Variants in WWOX observed in about 807,000 individuals in gnomAD.
WWOX encodes the protein WW domain containing oxidoreductase.
Under a neutral mutation model 46.2 loss-of-function variants are expected in WWOX, and 69 were observed. The ratio of observed to expected loss-of-function variants is 1.49; its 90% CI spans 1.23 to 1.82. The LOEUF (loss-of-function observed/expected upper bound fraction) is 1.82, where lower values mean the gene tolerates loss of function less well. Ranked by LOEUF, WWOX falls within the 40% of genes most tolerant of loss-of-function variation. The probability of loss-of-function intolerance (pLI) is 0.00; values close to 1 mark genes in which losing one functional copy is unlikely to be tolerated. For synonymous variants in WWOX, 359 were observed against 202.6 expected, an observed-to-expected ratio of 1.77 and a Z score of -6.56; for missense variants, 919 against 542.6, an observed-to-expected ratio of 1.69 and a Z score of -6.89.
intron 8 of WWOX, among the ~76,000 whole-genome samples, chr16:78,762,576 GAC>G (rs2049821258): frequency 6.6e-6 from 1 of 152,222 alleles, no homozygotes; most frequent in Non-Finnish European, 1.5e-5. Context: ...GAGTCGAGGT[GAC>G]ACAGTACTAA....
chr16:78,933,151 G>A (rs939738675), intron 8 of WWOX, among the ~76,000 whole-genome samples: 1 of 152,176 alleles, frequency 6.6e-6, no homozygotes, highest in Non-Finnish European at 1.5e-5. Flanking sequence ...TAAAAGGCAA[G>A]ATGTTGGCCT....
At position 79,065,578 on chromosome 16, in the gene WWOX, A is replaced by G. The variant is rs149057783; in HGVS notation, c.1057-146030A>G. ...AAAAAAACCAGTCTTAGGTTCTACA[A>G]TAGTGATGTTATCTACAGGAATAAT... On this transcript the variant is annotated intron_variant, in intron 8 of 8. Transcript: ENST00000566780. Among the ~76,000 whole-genome samples, 782 of 152,332 alleles carry G rather than the reference A, an allele frequency of 5.1e-3. 10 individuals are homozygous for G. Among genetic ancestry groups the G allele is most frequent in the African/African-American group, 0.018 (737 of 41,582 alleles).
intron 8 of WWOX, among the ~76,000 whole-genome samples, chr16:78,797,103 G>C (rs2050759074): frequency 6.6e-6 from 1 of 152,074 alleles, no homozygotes; most frequent in South Asian, 2.1e-4. Context: ...TGGGGTTGCA[G>C]GCGTGAGCCA....
At chr16:78,809,341 C>T (rs2051129514) in intron 8 of WWOX, among the ~76,000 whole-genome samples, 1 of 150,316 alleles carries the variant, frequency 6.7e-6, no homozygotes, top group Non-Finnish European at 1.5e-5. Flanking sequence ...AAAAAACCAC[C>T]GTGGTATTCT....
intron 5 of WWOX, among the ~76,000 whole-genome samples, chr16:78,323,903 G>A (rs1409852073): frequency 6.6e-6 from 1 of 152,146 alleles, no homozygotes; most frequent in African/African-American, 2.4e-5. Flanking sequence ...AGTGCAGTAT[G>A]GTCTGAATAA....
chr16:78,883,330 C>T (rs558492772), intron 8 of WWOX, among the ~76,000 whole-genome samples: 74 of 152,256 alleles, frequency 4.9e-4, no homozygotes, highest in African/African-American at 1.7e-3. Context: ...CCGGTGACAT[C>T]CTGGATTAGA....
chr16:78,448,179 T>C (rs956548188), intron 8 of WWOX, among the ~76,000 whole-genome samples: 5 of 152,150 alleles, frequency 3.3e-5, no homozygotes, highest in Non-Finnish European at 7.3e-5. Context: ...TGCAATGAAA[T>C]ACTGGCCTGT....
intron 5 of WWOX, among the ~76,000 whole-genome samples, chr16:78,327,847 G>C (rs1410775673): frequency 1.4e-5 from 2 of 147,384 alleles, no homozygotes; most frequent in Admixed American, 6.8e-5. Flanking sequence ...CATTAGGAAT[G>C]AGCTAGCCTG....
intron 8 of WWOX, among the ~76,000 whole-genome samples, chr16:78,595,399 CT>C (rs1872703468): frequency 2.0e-5 from 1 of 48,944 alleles, no homozygotes; most frequent in Non-Finnish European, 8.7e-5. Flanking sequence ...CACAAGACTC[CT>C]GCCTCCCTGC....
chr16:78,513,553 G>C (rs370319677), intron 8 of WWOX, among the ~76,000 whole-genome samples: 22 of 152,292 alleles, frequency 1.4e-4, no homozygotes, highest in African/African-American at 5.3e-4. Context: ...CAACATGAAA[G>C]TTAACCTTTT....
chr16:78,622,411 G>T (rs1309180403), intron 8 of WWOX, among the ~76,000 whole-genome samples: 2 of 152,040 alleles, frequency 1.3e-5, no homozygotes, highest in Non-Finnish European at 2.9e-5. Context: ...GCGTGGTAGT[G>T]TACACCCATA....
intron 8 of WWOX, among the ~76,000 whole-genome samples, chr16:78,866,646 T>C (rs899565297): frequency 1.3e-5 from 2 of 152,104 alleles, no homozygotes; most frequent in Admixed American, 6.6e-5. Flanking sequence ...CTCCTGGCGG[T>C]GTTTTTGTTG....
chr16:78,836,942 T>C (rs966716209), intron 8 of WWOX, among the ~76,000 whole-genome samples: 1 of 152,006 alleles, frequency 6.6e-6, no homozygotes, highest in Admixed American at 6.5e-5. Flanking sequence ...ATATGAGAGA[T>C]GGAAGGTCAA....
intron 5 of WWOX, chr16:78,167,334 C>T (rs985774990): frequency 1.3e-5 from 2 of 152,010 alleles, no homozygotes; most frequent in African/African-American, 4.8e-5. Flanking sequence ...GTCAAAGACC[C>T]ACTGTTCAGT....
At chr16:78,521,634 G>C (rs913013254) in intron 8 of WWOX, among the ~76,000 whole-genome samples, 9 of 152,164 alleles carry the variant, frequency 5.9e-5, no homozygotes, top group African/African-American at 1.9e-4. Flanking sequence ...ATTAACCAAA[G>C]AAATGGAACA....
chr16:78,671,146 G>C (rs780905905), intron 8 of WWOX, among the ~76,000 whole-genome samples: 74 of 152,302 alleles, frequency 4.9e-4, no homozygotes, highest in Non-Finnish European at 9.4e-4. Flanking sequence ...TGTTGGGCCA[G>C]GTACAGTGGC....
At chr16:78,295,615 A>G (rs1485769121) in intron 5 of WWOX, among the ~76,000 whole-genome samples, 2 of 152,120 alleles carry the variant, frequency 1.3e-5, no homozygotes, top group African/African-American at 2.4e-5. Flanking sequence ...GGAGGCTGAG[A>G]TGGGAGAATC....
At chr16:78,582,049 G>C (rs2045069483) in intron 8 of WWOX, among the ~76,000 whole-genome samples, 1 of 152,148 alleles carries the variant, frequency 6.6e-6, no homozygotes, top group Non-Finnish European at 1.5e-5. Context: ...TTTCAGGTTA[G>C]TCCTCTGAGA....
chr16:78,769,955 G>T (rs888539890), intron 8 of WWOX, among the ~76,000 whole-genome samples: 4 of 152,166 alleles, frequency 2.6e-5, no homozygotes, highest in South Asian at 4.2e-4. Context: ...GAAGCAGGAG[G>T]ATCGCTTGAG....
Sources: gnomAD v4.1 joint callset for allele counts (sites outside exome capture counted in the v4.1 genomes callset) on GRCh38, gnomAD v4.1.1 for gene constraint, MANE v1.5 for transcripts, NCBI Gene and HGNC (gene_info 2026-07-23, HGNC 2026-07-21) for gene names.